Variants in TMC3 observed in about 807,000 individuals in gnomAD.
The protein encoded by TMC3 is transmembrane channel-like protein 3.
In TMC3, 98 loss-of-function variants were observed where a neutral mutation model predicts 110.6. The observed-to-expected ratio is 0.89, with a 90% CI of 0.75 to 1.05. TMC3 has a LOEUF of 1.05. TMC3 is among the 50% of genes least tolerant of loss of function. The probability of loss-of-function intolerance (pLI) is 0.00; values close to 1 mark genes in which losing one functional copy is unlikely to be tolerated. For missense variants in TMC3, 1,319 were observed against 1,373.2 expected (o/e 0.96, Z 0.62); for synonymous variants, 489 against 513.1 (o/e 0.95, Z 0.63).
At position 81,362,294 on chromosome 15, in the gene TMC3, C is replaced by T. The variant is rs200101447; in HGVS notation, c.320G>A (p.Arg107Gln). 7.6e-5 allele frequency: 122 copies of T among 1,611,328 alleles called. No homozygotes were observed. The highest frequency in any genetic ancestry group is 9.0e-5 in the Non-Finnish European group (106 of 1,178,682). ...GYQAAGAELW[R>Q]KFARLACNFV... ...GTTACAGGCGAGACGAGCAAATTTC[C>T]GCCAGAGCTAGACAAGAGGGGTCAG... The change falls in exon 4 of 22, where the codon CGG becomes CAG. Residue 107 changes from arginine (R) to glutamine (Q), a missense_variant. Transcript: ENST00000359440.
At chr15:81,337,091 G>T (rs1893612863) in intron 19 of TMC3, among the ~76,000 whole-genome samples, 1 of 150,944 alleles carries the variant, frequency 6.6e-6, no homozygotes, top group Non-Finnish European at 1.5e-5. Context: ...TCTGATAGAA[G>T]TGGAAGGAGT....
At chr15:81,356,703 G>C in intron 7 of TMC3, 109 bp from the exon 8 acceptor site, 1 of 1,235,302 alleles carries the variant, frequency 8.1e-7, no homozygotes, top group Non-Finnish European at 1.1e-6. Context: ...CCCTCTGGGT[G>C]GACGCAGCTC....
intron 11 of TMC3, among the ~76,000 whole-genome samples, chr15:81,347,019 A>G (rs182772470): frequency 6.6e-6 from 1 of 152,218 alleles, no homozygotes; most frequent in Admixed American, 6.5e-5. Flanking sequence ...CCTGTCAGCC[A>G]CTGGGAGTGA....
intron 3 of TMC3, among the ~76,000 whole-genome samples, chr15:81,364,464 T>C (rs1894259769): frequency 7.1e-6 from 1 of 141,690 alleles, no homozygotes; most frequent in South Asian, 2.2e-4. Context: ...TTCTCACTCA[T>C]AGGTGGGAAT....
At chr15:81,353,185 A>G (rs1214345318) in intron 9 of TMC3, among the ~76,000 whole-genome samples, 2 of 128,108 alleles carry the variant, frequency 1.6e-5, no homozygotes, top group Admixed American at 8.3e-5. Flanking sequence ...AGCTTATAGA[A>G]TAAGGATATA....
At chr15:81,360,570 C>T (rs187006105) in intron 4 of TMC3, among the ~76,000 whole-genome samples, 230 of 151,948 alleles carry the variant, frequency 1.5e-3, no homozygotes, top group African/African-American at 4.4e-3. Flanking sequence ...ACAGGTGATT[C>T]GTTGAGGAAG....
intron 21 of TMC3, among the ~76,000 whole-genome samples, chr15:81,333,522 G>A (rs758023827): frequency 2.3e-4 from 35 of 152,330 alleles, no homozygotes; most frequent in Non-Finnish European, 4.6e-4. Flanking sequence ...TGTTATGCTA[G>A]TGTATTTCCT....
chr15:81,335,079 C>A, intron 20 of TMC3, 104 bp from the exon 21 acceptor site: 1 of 1,311,808 alleles, frequency 7.6e-7, no homozygotes, highest in East Asian at 2.5e-5. Flanking sequence ...AGAGTTGGTC[C>A]GCAAACAATT....
At chr15:81,339,526 T>TGTGTTAAGTTCACTCCATAGCCA in intron 16 of TMC3, 22 bp from the exon 17 acceptor site, 1 of 1,553,468 alleles carries the variant, frequency 6.4e-7, no homozygotes, top group Middle Eastern at 1.7e-4. Context: ...TCAGATGTCA[T>TGTGTTAAGTTCACTCCATAGCCA]GTGTTAAGTT....
intron 3 of TMC3, among the ~76,000 whole-genome samples, chr15:81,365,219 C>T (rs1175496036): frequency 6.6e-6 from 1 of 151,870 alleles, no homozygotes; most frequent in Non-Finnish European, 1.5e-5. Context: ...CCATCCCTTG[C>T]ATTCTAAAGT....
At chr15:81,336,728 A>T in intron 19 of TMC3, 77 bp from the exon 20 acceptor site, 1 of 1,445,662 alleles carries the variant, frequency 6.9e-7, no homozygotes, top group Non-Finnish European at 9.7e-7. Flanking sequence ...GGGGGAAGAG[A>T]AAAAGATTTA....
rs1285727902 is a variant in TMC3, at chr15:81,334,703, C to T, written c.2459+17G>A. 6.2e-7 allele frequency: 1 copy of T among 1,610,736 alleles called. No individual in the cohort carries two copies. The highest frequency in any genetic ancestry group is 1.1e-5 in the South Asian group (1 of 90,882). Reference sequence around the variant, plus strand: ...CTCACATTCCAGGTTTTAATCTGTGCTGCAGTGGAGCCTCACCTGTTAGTT... The same window carrying T: ...CTCACATTCCAGGTTTTAATCTGTGTTGCAGTGGAGCCTCACCTGTTAGTT... On this transcript the variant is annotated intron_variant, in intron 21 of 21. Coordinates refer to ENST00000359440, the MANE Select transcript of TMC3 (RefSeq NM_001080532.3).
chr15:81,334,036 G>T (rs962125313), intron 21 of TMC3, among the ~76,000 whole-genome samples: 2 of 151,712 alleles, frequency 1.3e-5, no homozygotes, highest in Non-Finnish European at 2.9e-5. Context: ...GAATCTGTAT[G>T]GTGGCTGTAG....
Position 81,356,512 on chromosome 15 carries a change from C to A in TMC3, c.826G>T (p.Asp276Tyr), listed in dbSNP as rs1355948060. 1 of 1,572,034 alleles carries A rather than the reference C, an allele frequency of 6.4e-7. No individual in the cohort carries two copies. Among genetic ancestry groups the A allele is most frequent in the Non-Finnish European group, 8.6e-7 (1 of 1,157,934 alleles). Reference sequence around the variant, plus strand: ...GCCTCTGGGTTTCCAATGAGGTAATCCCAGGCACAGAACACCCGCCAGCAG... The same window carrying A: ...GCCTCTGGGTTTCCAATGAGGTAATACCAGGCACAGAACACCCGCCAGCAG... The part of the protein sequence containing the change: ...TFCWRVFCAW[D>Y]YLIGNPEAAE... Residue 276 changes from aspartate (D) to tyrosine (Y), a missense_variant, in exon 8 of 22, where the codon GAT becomes TAT. By Grantham distance (160) the Asp-to-Tyr change is radical. Transcript: ENST00000359440.
At chr15:81,350,235 A>G (rs1436760651) in intron 10 of TMC3, among the ~76,000 whole-genome samples, 1 of 152,240 alleles carries the variant, frequency 6.6e-6, no homozygotes, top group Non-Finnish European at 1.5e-5. Context: ...ACCTTGACTC[A>G]AAAAACAAAA....
Position 81,332,763 on chromosome 15 carries a change from G to T in TMC3, c.2959C>A (p.His987Asn). ...GACTTGTAGTGCACCCTCCCCTGGT[G>T]CTCGGGATCCCGGGTCTGACTTTCG... is the stretch of plus-strand genomic sequence containing the variant. Reference protein sequence around the residue: ...RSESQTRDPEHQGRVHYKSWN... With the variant: ...RSESQTRDPENQGRVHYKSWN... The change falls in exon 22 of 22, where the codon CAC becomes AAC. Residue 987 changes from histidine to asparagine, a missense_variant. Coordinates refer to ENST00000359440, the MANE Select transcript of TMC3 (RefSeq NM_001080532.3). The T allele has an allele frequency of 6.2e-7, 1 of 1,612,546 alleles. No individual in the cohort carries two copies. Among genetic ancestry groups the T allele is most frequent in the South Asian group, 1.1e-5 (1 of 90,898 alleles).
chr15:81,355,857 T>C lies in TMC3; in HGVS notation c.892-89A>G, dbSNP rs1894048898. The C allele has an allele frequency of 1.2e-5, 10 of 822,590 alleles. No homozygotes were observed. In the Admixed American group the frequency reaches 2.0e-4, roughly 16 times the overall value. 51.0% of individuals were successfully genotyped at this position (822,590 alleles called of 1,614,324 possible). ...ATAATTTACCCAGTAATTTAGCTCATACCTTCATTGTCTAAGACTTTATTC... is the reference window on the plus strand; with the variant it reads ...ATAATTTACCCAGTAATTTAGCTCACACCTTCATTGTCTAAGACTTTATTC... On this transcript the variant is annotated intron_variant, in intron 8 of 21. Coordinates refer to ENST00000359440, the MANE Select transcript of TMC3 (RefSeq NM_001080532.3).
At chr15:81,359,566 C>T (rs1244473632) in intron 4 of TMC3, 95 bp from the exon 5 acceptor site, 5 of 787,156 alleles carry the variant, frequency 6.4e-6, no homozygotes, top group Admixed American at 3.1e-5. Flanking sequence ...TTTACATCCA[C>T]GGGACATAGA....
At chr15:81,357,322 G>A (rs1894086610) in intron 7 of TMC3, among the ~76,000 whole-genome samples, 1 of 151,782 alleles carries the variant, frequency 6.6e-6, no homozygotes, top group Non-Finnish European at 1.5e-5. Flanking sequence ...TTTACCCCAA[G>A]TGCTTCTATC....
Sources: gnomAD v4.1 joint callset for allele counts (sites outside exome capture counted in the v4.1 genomes callset) on GRCh38, gnomAD v4.1.1 for gene constraint, MANE v1.5 for transcripts, NCBI Gene and HGNC (gene_info 2026-07-23, HGNC 2026-07-21) for gene names.